EPSTI1: variants seen among roughly 807,000 people sequenced by gnomAD.
The protein encoded by EPSTI1 is epithelial-stromal interaction protein 1.
A neutral mutation model predicts 49.9 loss-of-function variants in EPSTI1; 66 were observed. The ratio of observed to expected loss-of-function variants is 1.32; its 90% CI spans 1.08 to 1.62. The LOEUF is 1.62. EPSTI1 is among the 40% of genes most tolerant of loss of function. EPSTI1 has a pLI of 0.00. For synonymous variants in EPSTI1, 137 were observed against 130.7 expected (o/e 1.05, Z -0.33); for missense variants, 394 against 365.5 (o/e 1.08, Z -0.64).
intron 6 of EPSTI1, among the ~76,000 whole-genome samples, chr13:42,939,852 G>A (rs2038693861): frequency 6.6e-6 from 1 of 152,160 alleles, no homozygotes; most frequent in Non-Finnish European, 1.5e-5. Flanking sequence ...TATCTGTGAG[G>A]TGCAATAAAG....
At chr13:42,985,576 T>A (rs575914743) in intron 1 of EPSTI1, among the ~76,000 whole-genome samples, 1 of 152,214 alleles carries the variant, frequency 6.6e-6, no homozygotes, top group South Asian at 2.1e-4. Flanking sequence ...GAGGATTGAG[T>A]AGCAAGATCC....
At chr13:42,968,963 C>A in intron 3 of EPSTI1, 131 bp downstream of exon 3, 3 of 767,498 alleles carry the variant, frequency 3.9e-6, no homozygotes, top group Middle Eastern at 3.7e-4. Context: ...CAATTAAATG[C>A]ATTCCACCCA....
chr13:42,987,286 G>C (rs986442356), intron 1 of EPSTI1, among the ~76,000 whole-genome samples: 4 of 151,896 alleles, frequency 2.6e-5, no homozygotes, highest in Admixed American at 2.6e-4. Context: ...TGTTAGAATT[G>C]AACTGTGGGA....
At chr13:42,974,658 C>CA (rs61128582) in intron 1 of EPSTI1, among the ~76,000 whole-genome samples, 3,085 of 121,390 alleles carry the variant, frequency 0.025, 93 homozygotes, top group African/African-American at 0.083. Context: ...GACTCCGTCT[C>CA]AAAAAAAAAA....
chr13:42,910,640 TAAC>T (rs2037642308), intron 8 of EPSTI1, among the ~76,000 whole-genome samples: 2 of 152,218 alleles, frequency 1.3e-5, no homozygotes, highest in African/African-American at 4.8e-5. Flanking sequence ...CATGCATAAA[TAAC>T]AACCTACTTC....
At chr13:42,974,968 G>C (rs1238306273) in intron 1 of EPSTI1, among the ~76,000 whole-genome samples, 2 of 151,840 alleles carry the variant, frequency 1.3e-5, no homozygotes, top group African/African-American at 4.8e-5. Flanking sequence ...ATTTCAAGCA[G>C]AATAGTAGAC....
At chr13:42,938,759 C>T (rs2038647995) in intron 6 of EPSTI1, among the ~76,000 whole-genome samples, 1 of 151,552 alleles carries the variant, frequency 6.6e-6, no homozygotes, top group Non-Finnish European at 1.5e-5. Flanking sequence ...ACTAAAAATA[C>T]AAGAAATTGG....
chr13:42,960,189 C>T (rs531033305), intron 5 of EPSTI1, among the ~76,000 whole-genome samples: 2 of 151,898 alleles, frequency 1.3e-5, no homozygotes, highest in African/African-American at 4.8e-5. Flanking sequence ...ATATGTAGAT[C>T]GAAGGCAGAA....
At chr13:42,890,248 T>C (rs533106529) in intron 10 of EPSTI1, among the ~76,000 whole-genome samples, 1 of 152,186 alleles carries the variant, frequency 6.6e-6, no homozygotes, top group East Asian at 1.9e-4. Flanking sequence ...TCTCCATTTA[T>C]TTATTCCACA....
At chr13:42,940,381 C>A (rs558566056) in intron 6 of EPSTI1, among the ~76,000 whole-genome samples, 2 of 152,192 alleles carry the variant, frequency 1.3e-5, no homozygotes, top group Non-Finnish European at 2.9e-5. Context: ...GTTCTCTTAC[C>A]CTACCTCTAA....
intron 8 of EPSTI1, among the ~76,000 whole-genome samples, chr13:42,904,917 C>T (rs113672966): frequency 6.6e-6 from 1 of 152,084 alleles, no homozygotes; most frequent in African/African-American, 2.4e-5. Flanking sequence ...TGGGTAGCGG[C>T]GCTTGAAGTG....
chr13:42,935,545 C>T (rs867740772), intron 6 of EPSTI1, among the ~76,000 whole-genome samples: 2 of 152,180 alleles, frequency 1.3e-5, no homozygotes, highest in African/African-American at 4.8e-5. Flanking sequence ...ACTCTAGCTT[C>T]ATCCTACCGA....
chr13:42,889,823 T>C (rs1331784204), intron 10 of EPSTI1, among the ~76,000 whole-genome samples: 1 of 152,228 alleles, frequency 6.6e-6, no homozygotes, highest in African/African-American at 2.4e-5. Context: ...TGTTTATACC[T>C]TGGGTCTTAC....
intron 10 of EPSTI1, among the ~76,000 whole-genome samples, chr13:42,889,431 T>C (rs928796475): frequency 6.6e-6 from 1 of 152,184 alleles, no homozygotes; most frequent in Non-Finnish European, 1.5e-5. Flanking sequence ...AAGAAACCAC[T>C]GCTTCTTTCC....
intron 6 of EPSTI1, among the ~76,000 whole-genome samples, chr13:42,947,957 C>T (rs1427979289): frequency 6.6e-6 from 1 of 152,206 alleles, no homozygotes; most frequent in Non-Finnish European, 1.5e-5. Flanking sequence ...CCAACTGGGA[C>T]AGAGTGGTCA....
intron 1 of EPSTI1, among the ~76,000 whole-genome samples, chr13:42,984,657 C>T (rs964109075): frequency 6.6e-6 from 1 of 152,132 alleles, no homozygotes; most frequent in Non-Finnish European, 1.5e-5. Flanking sequence ...TTTAACAATG[C>T]TTTTTAAGGA....
At chr13:42,949,746 C>A (rs190295127) in intron 6 of EPSTI1, among the ~76,000 whole-genome samples, 1 of 152,172 alleles carries the variant, frequency 6.6e-6, no homozygotes, top group Admixed American at 6.5e-5. Flanking sequence ...CTAATACCCG[C>A]ACACAAAATG....
Position 42,888,421 on chromosome 13 carries a change from C to A in EPSTI1, c.*73G>T. On this transcript the variant is annotated 3_prime_UTR_variant, in exon 11 of 11. Coordinates refer to ENST00000313624, the MANE Select transcript of EPSTI1 (RefSeq NM_033255.5). ...TAAAAACAGTGAGGCTGAACAAAAT[C>A]ACATTAAGAAAAAGCATCTCATGAG... is the stretch of plus-strand genomic sequence containing the variant. The A allele has an allele frequency of 1.2e-6, 2 of 1,614,022 alleles. No individual in the cohort carries two copies. The highest frequency in any genetic ancestry group is 1.7e-6 in the Non-Finnish European group (2 of 1,179,982).
At chr13:42,971,698 T>C (rs1463741239) in intron 1 of EPSTI1, among the ~76,000 whole-genome samples, 2 of 152,202 alleles carry the variant, frequency 1.3e-5, no homozygotes, top group Non-Finnish European at 2.9e-5. Flanking sequence ...TTAGCAAAGA[T>C]TGAACTGTAG....
Sources: gnomAD v4.1 joint callset for allele counts (sites outside exome capture counted in the v4.1 genomes callset) on GRCh38, gnomAD v4.1.1 for gene constraint, MANE v1.5 for transcripts, NCBI Gene and HGNC (gene_info 2026-07-23, HGNC 2026-07-21) for gene names.